DCP1A: variants seen among roughly 807,000 people sequenced by gnomAD.
DCP1A encodes the protein mRNA-decapping enzyme 1A.
Under a neutral mutation model 58.0 loss-of-function variants are expected in DCP1A, and 20 were observed. That is an observed-to-expected ratio of 0.34 (90% CI 0.24 to 0.50). The LOEUF is 0.50. Ranked by LOEUF, DCP1A falls within the 20% of genes least tolerant of loss-of-function variation. DCP1A has a pLI of 0.98. For missense variants in DCP1A, 613 were observed against 712.2 expected (o/e 0.86, Z 1.59); for synonymous variants, 285 against 275.1 (o/e 1.04, Z -0.36).
At chr3:53,309,735 A>G (rs1707587971) in intron 5 of DCP1A, among the ~76,000 whole-genome samples, 1 of 152,266 alleles carries the variant, frequency 6.6e-6, no homozygotes, top group Non-Finnish European at 1.5e-5. Flanking sequence ...CCTGCACTCC[A>G]GCCTGGGCAA....
chr3:53,320,225 T>C (rs1707922983), intron 3 of DCP1A, among the ~76,000 whole-genome samples: 1 of 152,178 alleles, frequency 6.6e-6, no homozygotes, highest in Non-Finnish European at 1.5e-5. Flanking sequence ...ACATGTGAAA[T>C]GGACTGAGCT....
At chr3:53,316,170 A>G (rs1553689227) in intron 4 of DCP1A, among the ~76,000 whole-genome samples, 1 of 152,220 alleles carries the variant, frequency 6.6e-6, no homozygotes, top group Non-Finnish European at 1.5e-5. Context: ...ATTTATATGT[A>G]TAATATACTA....
chr3:53,303,747 C>T (rs145997185), intron 6 of DCP1A, among the ~76,000 whole-genome samples: 31 of 152,236 alleles, frequency 2.0e-4, no homozygotes, highest in Admixed American at 6.5e-4. Flanking sequence ...ACAAGAGAGC[C>T]AATGGGACTG....
rs112039940 is a variant in DCP1A, at chr3:53,308,682, C to T, written c.510+3559G>A. ...AATCATGGCTCACTGCAGCCTCGAA[C>T]TGCTGGGCTCAAGTGCTCCTCCCGC... On this transcript the variant is annotated intron_variant, in intron 5 of 9. Transcript: ENST00000610213. Among the ~76,000 whole-genome samples, 969 of 152,228 alleles carry T rather than the reference C, an allele frequency of 6.4e-3. 10 individuals are homozygous for T. Among genetic ancestry groups the T allele is most frequent in the African/African-American group, 0.022 (917 of 41,532 alleles).
chr3:53,311,768 G>C (rs1707650365), intron 5 of DCP1A, among the ~76,000 whole-genome samples: 1 of 152,130 alleles, frequency 6.6e-6, no homozygotes, highest in Non-Finnish European at 1.5e-5. Flanking sequence ...TGAAGAAGAG[G>C]CACGAAGCTT....
intron 3 of DCP1A, among the ~76,000 whole-genome samples, chr3:53,328,714 A>G (rs1708178192): frequency 6.6e-6 from 1 of 152,226 alleles, no homozygotes; most frequent in Admixed American, 6.5e-5. Flanking sequence ...ATGAGCCAGA[A>G]AGCAATATAT....
chr3:53,343,831 T>A (rs2089253378), intron 2 of DCP1A, among the ~76,000 whole-genome samples: 1 of 152,190 alleles, frequency 6.6e-6, no homozygotes, highest in African/African-American at 2.4e-5. Flanking sequence ...CAGGATGGTC[T>A]TGATCTCCTG....
chr3:53,329,520 G>A (rs1169694177), intron 3 of DCP1A: 7 of 393,838 alleles, frequency 1.8e-5, no homozygotes, highest in East Asian at 1.4e-4. Context: ...TGTCTTTTTC[G>A]GTTAAGCAAG....
At chr3:53,332,665 C>A (rs1363710745) in intron 3 of DCP1A, among the ~76,000 whole-genome samples, 1 of 151,962 alleles carries the variant, frequency 6.6e-6, no homozygotes, top group Non-Finnish European at 1.5e-5. Context: ...GAGATCGAGA[C>A]CATCCTGGCT....
chr3:53,295,417 G>C (rs1284548078), intron 6 of DCP1A, among the ~76,000 whole-genome samples: 1 of 151,786 alleles, frequency 6.6e-6, no homozygotes, highest in African/African-American at 2.4e-5. Flanking sequence ...TTAGACCATG[G>C]ATACAAAAAA....
At chr3:53,309,187 T>G (rs111237929) in intron 5 of DCP1A, among the ~76,000 whole-genome samples, 2,620 of 151,820 alleles carry the variant, frequency 0.017, 46 homozygotes, top group Middle Eastern at 0.065. Context: ...CTGGCCAACA[T>G]GGTGAAACCC....
chr3:53,344,623 A>C (rs1356674117), intron 2 of DCP1A, among the ~76,000 whole-genome samples: 1 of 152,198 alleles, frequency 6.6e-6, no homozygotes, highest in Non-Finnish European at 1.5e-5. Flanking sequence ...ATATGGGGGT[A>C]GGAAGAGAGA....
At chr3:53,291,509 C>G (rs1443887234) in intron 7 of DCP1A, among the ~76,000 whole-genome samples, 6 of 151,822 alleles carry the variant, frequency 4.0e-5, no homozygotes, top group African/African-American at 1.5e-4. Context: ...TGGTAACCAT[C>G]CTTCTATTCT....
intron 2 of DCP1A, among the ~76,000 whole-genome samples, chr3:53,343,077 A>C (rs1274790690): frequency 2.0e-5 from 3 of 152,224 alleles, no homozygotes; most frequent in African/African-American, 7.2e-5. Context: ...TTTACTCTTC[A>C]CATGTACCTA....
chr3:53,302,328 G>C (rs1225980860), intron 6 of DCP1A, among the ~76,000 whole-genome samples: 1 of 152,120 alleles, frequency 6.6e-6, no homozygotes, highest in Non-Finnish European at 1.5e-5. Flanking sequence ...GATTTTATTT[G>C]ATATCTGTTC....
chr3:53,329,316 ACCTC>A, intron 3 of DCP1A: 1 of 398,472 alleles, frequency 2.5e-6, no homozygotes, highest in Non-Finnish European at 4.4e-6. Context: ...ATGGAAATGA[ACCTC>A]CCTACTTTTT....
intron 3 of DCP1A, among the ~76,000 whole-genome samples, chr3:53,330,325 A>T (rs1407107514): frequency 6.6e-6 from 1 of 152,140 alleles, no homozygotes; most frequent in Non-Finnish European, 1.5e-5. Flanking sequence ...TGAGGCCAGG[A>T]GTTGGAGACC....
In DCP1A at chr3:53,286,503, A is replaced by G. The variant is rs186901305; in HGVS notation, c.*1077T>C. The G allele has an allele frequency of 4.6e-5, 7 of 152,370 alleles. No individual in the cohort carries two copies. In the East Asian group the frequency reaches 9.6e-4, roughly 21 times the overall value. The allele number at this position is 152,370 out of a possible 1,614,324, so 9.4% of individuals were successfully genotyped here. A position where few individuals can be genotyped will look rare whatever the true frequency, so the allele number is the denominator to read the frequency against. ...TAGCAGCATAACAAAGCTTCTTTAC[A>G]TATTTTCACACTTTGGGCCGGGAAA... On this transcript the variant is annotated 3_prime_UTR_variant, in exon 10 of 10. Coordinates refer to ENST00000610213, the MANE Select transcript of DCP1A (RefSeq NM_018403.7).
chr3:53,326,415 C>T (rs559111071), intron 3 of DCP1A, among the ~76,000 whole-genome samples: 11 of 152,348 alleles, frequency 7.2e-5, no homozygotes, highest in African/African-American at 2.6e-4. Flanking sequence ...GTACCCATAG[C>T]TCCTTAAAAT....
Sources: allele counts gnomAD v4.1 joint callset (sites outside exome capture counted in the v4.1 genomes callset), GRCh38; gene constraint gnomAD v4.1.1; transcripts MANE v1.5; gene names NCBI Gene and HGNC (gene_info 2026-07-23, HGNC 2026-07-21).